The following PGM2L1 variants were observed in gnomAD, a reference collection of about 807,000 sequenced individuals.
PGM2L1 encodes the protein phosphoglucomutase 2 like 1, also known as glucose 1,6-bisphosphate synthase.
Under a neutral mutation model 73.4 loss-of-function variants are expected in PGM2L1, and 35 were observed. The observed-to-expected ratio is 0.48, with a 90% confidence interval of 0.36 to 0.63. PGM2L1 has a LOEUF of 0.63. Ranked by LOEUF, PGM2L1 falls within the 30% of genes least tolerant of loss-of-function variation. PGM2L1 has a pLI of 0.00. For missense variants in PGM2L1, 570 were observed against 742.0 expected, an observed-to-expected ratio of 0.77 and a Z score of 2.69; for synonymous variants, 225 against 253.8, an observed-to-expected ratio of 0.89 and a Z score of 1.08.
At chr11:74,343,840 G>A (rs1021823356) in intron 9 of PGM2L1, among the ~76,000 whole-genome samples, 6 of 134,228 alleles carry the variant, frequency 4.5e-5, no homozygotes, top group East Asian at 2.5e-4. Context: ...GTGCAGTGGC[G>A]CAATTTCAGC....
chr11:74,342,485 G>T lies in PGM2L1; in HGVS notation c.1608C>A (p.Asp536Glu). 6.5e-7 allele frequency: 1 copy of T among 1,541,494 alleles called. No individual in the cohort carries two copies. The highest frequency in any genetic ancestry group is 1.3e-5 in the South Asian group (1 of 77,244). The change falls in exon 12 of 14, where the codon GAC becomes GAA. Residue 536 changes from aspartate to glutamate, a missense_variant. Coordinates refer to ENST00000298198, the MANE Select transcript of PGM2L1 (RefSeq NM_173582.6). ...LHVRDVTTGY[D>E]SSQPNKKSVL... ...CTGATTTCTTATTAGGCTGGCTACT[G>T]TCATATCCAGTGGTAACGTCCCGTA... is the stretch of plus-strand genomic sequence containing the variant.
chr11:74,337,427 C>G (rs189827617), intron 13 of PGM2L1, among the ~76,000 whole-genome samples: 57 of 152,258 alleles, frequency 3.7e-4, no homozygotes, highest in Non-Finnish European at 7.1e-4. Context: ...CTTTATCCCC[C>G]CCAAAGGAAA....
At chr11:74,371,906 G>C (rs1463679713) in intron 2 of PGM2L1, 89 bp from the exon 3 acceptor site, 17 of 1,129,866 alleles carry the variant, frequency 1.5e-5, no homozygotes, top group Non-Finnish European at 2.1e-5. Context: ...TTGCTGTGCA[G>C]CTGACTGGCT....
At chr11:74,374,665 A>T in intron 1 of PGM2L1, 83 bp from the exon 2 acceptor site, 1 of 1,180,506 alleles carries the variant, frequency 8.5e-7, no homozygotes. Context: ...CAATATGTAC[A>T]TATCACAAGG....
intron 12 of PGM2L1, among the ~76,000 whole-genome samples, chr11:74,341,968 G>T (rs957273569): frequency 2.6e-5 from 4 of 152,080 alleles, no homozygotes. Context: ...GTGTTGGTGG[G>T]AGTGTCTTTT....
At chr11:74,365,581 C>G (rs1221732541) in intron 5 of PGM2L1, among the ~76,000 whole-genome samples, 1 of 152,158 alleles carries the variant, frequency 6.6e-6, no homozygotes, top group Non-Finnish European at 1.5e-5. Context: ...CAAAAGAAGA[C>G]ATTTATGCAG....
At chr11:74,355,100 T>C in intron 5 of PGM2L1, 1 of 1,274,060 alleles carries the variant, frequency 7.8e-7, no homozygotes, top group Non-Finnish European at 1.1e-6. Flanking sequence ...ACTTTGGTTG[T>C]GGAGGAAACT....
intron 6 of PGM2L1, among the ~76,000 whole-genome samples, chr11:74,347,873 T>A (rs562611930): frequency 6.6e-6 from 1 of 152,306 alleles, no homozygotes; most frequent in Admixed American, 6.5e-5. Context: ...TTGAACAGCT[T>A]CACTCTGAAT....
chr11:74,369,221 A>G (rs550220090), intron 4 of PGM2L1, among the ~76,000 whole-genome samples: 5 of 152,236 alleles, frequency 3.3e-5, no homozygotes, highest in African/African-American at 1.2e-4. Context: ...CGCTCACACA[A>G]ACTGCAAAAC....
At chr11:74,362,231 G>A (rs1862575569) in intron 5 of PGM2L1, among the ~76,000 whole-genome samples, 1 of 152,176 alleles carries the variant, frequency 6.6e-6, no homozygotes, top group Non-Finnish European at 1.5e-5. Context: ...AGAAGAGAGT[G>A]GGGGCCAATA....
chr11:74,358,361 A>G (rs758278014), intron 5 of PGM2L1, among the ~76,000 whole-genome samples: 4 of 152,224 alleles, frequency 2.6e-5, no homozygotes, highest in Non-Finnish European at 1.5e-5. Context: ...TTCTCAGGGA[A>G]ACGCAAATAT....
At chr11:74,345,740 G>A in intron 8 of PGM2L1, 91 bp from the exon 9 acceptor site, 2 of 1,142,854 alleles carry the variant, frequency 1.7e-6, no homozygotes, top group Non-Finnish European at 2.5e-6. Context: ...CCTTCAGTTA[G>A]GAAAAATCAA....
intron 10 of PGM2L1, 98 bp downstream of exon 10, chr11:74,343,225 C>A: frequency 7.1e-7 from 1 of 1,411,734 alleles, no homozygotes; most frequent in Non-Finnish European, 9.3e-7. Flanking sequence ...GTTTTTACAA[C>A]TCAAAATATG....
chr11:74,392,266 A>T (rs189995932), intron 1 of PGM2L1, among the ~76,000 whole-genome samples: 17 of 152,266 alleles, frequency 1.1e-4, no homozygotes, highest in Admixed American at 5.9e-4. Flanking sequence ...TTAAAATCAT[A>T]AGCATGTATT....
rs1447812088 is a variant in PGM2L1, at chr11:74,345,552, C to G, written c.1135G>C (p.Val379Leu). The change falls in exon 9 of 14, where the codon GTG (valine) becomes CTG (leucine). Residue 379 changes from valine (V) to leucine (L), a missense_variant. Transcript: ENST00000298198. ...WKKNKSRNAD[V>L]KNVYMLATTV... ...GTGGCTAACATATAAACGTTCTTCA[C>G]ATCAGCATTTCTTGATTTATTTTTC... The G allele has an allele frequency of 1.2e-6, 2 of 1,613,436 alleles. No individual in the cohort carries two copies. The highest frequency in any genetic ancestry group is 1.3e-5 in the African/African-American group (1 of 75,034).
intron 5 of PGM2L1, among the ~76,000 whole-genome samples, chr11:74,360,555 TG>T (rs762505557): frequency 4.6e-5 from 7 of 152,008 alleles, no homozygotes; most frequent in Non-Finnish European, 7.4e-5. Flanking sequence ...CGTTGGACAG[TG>T]GGGGCAGGAC....
chr11:74,366,632 G>A (rs982427912), intron 5 of PGM2L1, among the ~76,000 whole-genome samples: 1 of 151,924 alleles, frequency 6.6e-6, no homozygotes, highest in Non-Finnish European at 1.5e-5. Flanking sequence ...AAGATTTGGG[G>A]AAGAGCAATC....
rs929957504 is a variant in PGM2L1 at position 74,332,735 on chromosome 11, A to G, written c.*3917T>C. ...CTAATATCCCTGTTGCATCAATTCC[A>G]GAAGCAACTTGCTTAAGAAATGGGA... is the stretch of plus-strand genomic sequence containing the variant. On this transcript the variant is annotated 3_prime_UTR_variant, in exon 14 of 14. Transcript: ENST00000298198. 1.3e-5 allele frequency: 2 copies of G among 152,450 alleles called. No homozygotes were observed. The highest frequency in any genetic ancestry group is 4.8e-5 in the African/African-American group (2 of 41,464). The allele number at this position is 152,450 out of a possible 1,614,324, so 9.4% of individuals were successfully genotyped here. A position where few individuals can be genotyped will look rare whatever the true frequency, so the allele number is the denominator to read the frequency against.
At chr11:74,390,177 A>C (rs1363585565) in intron 1 of PGM2L1, among the ~76,000 whole-genome samples, 1 of 150,780 alleles carries the variant, frequency 6.6e-6, no homozygotes, top group African/African-American at 2.4e-5. Context: ...AAAGAAAAAA[A>C]AAAAAACAGG....
Sources: gnomAD v4.1 joint callset for allele counts (sites outside exome capture counted in the v4.1 genomes callset) on GRCh38, gnomAD v4.1.1 for gene constraint, MANE v1.5 for transcripts, NCBI Gene and HGNC (gene_info 2026-07-23, HGNC 2026-07-21) for gene names.